KIF13A: variants seen among roughly 807,000 people sequenced by gnomAD.
The protein encoded by KIF13A is kinesin-like protein KIF13A.
KIF13A carries 79 observed loss-of-function variants against 212.2 expected under a neutral mutation model. The ratio of observed to expected loss-of-function variants is 0.37; its 90% CI spans 0.31 to 0.45. KIF13A has a LOEUF of 0.45. KIF13A is among the 20% of genes least tolerant of loss of function. The pLI is 1.00. For missense variants in KIF13A, 1,901 were observed against 2,209.0 expected (o/e 0.86, Z 2.79); for synonymous variants, 789 against 808.6 (o/e 0.98, Z 0.41).
intron 17 of KIF13A, among the ~76,000 whole-genome samples, chr6:17,814,580 T>TCAA (rs10644768): frequency 1.3e-5 from 2 of 151,418 alleles, no homozygotes; most frequent in Non-Finnish European, 2.9e-5. Flanking sequence ...TTAATTATTA[T>TCAA]AACACAGGTG....
chr6:17,916,416 G>A (rs573338516), intron 2 of KIF13A, among the ~76,000 whole-genome samples: 5 of 152,288 alleles, frequency 3.3e-5, no homozygotes, highest in African/African-American at 1.2e-4. Flanking sequence ...AATTCACTAT[G>A]AGGCAAACCT....
chr6:17,791,962 G>A (rs1256621273), intron 25 of KIF13A, among the ~76,000 whole-genome samples: 1 of 149,098 alleles, frequency 6.7e-6, no homozygotes, highest in Non-Finnish European at 1.5e-5. Flanking sequence ...CCAGCACTTT[G>A]GGAGGTCGAG....
In KIF13A at chr6:17,886,881, T is replaced by C. The variant is rs1460742793; in HGVS notation, c.159+11287A>G. Among the ~76,000 whole-genome samples the C allele has an allele frequency of 6.6e-6, 1 of 151,458 alleles. No homozygotes were observed. The highest frequency in any genetic ancestry group is 1.5e-5 in the Non-Finnish European group (1 of 67,958). On this transcript the variant is annotated intron_variant, in intron 3 of 38. Coordinates refer to ENST00000259711, the MANE Select transcript of KIF13A (RefSeq NM_022113.6). The surrounding 1 kb of genome is among the most constrained non-coding windows in gnomAD (Gnocchi z 5.6). ...TCTGAGGATTGTTTTGTTGTCGTTG[T>C]TAAAAAGAGGAAAAAAAAAAAAGTC...
intron 25 of KIF13A, 147 bp from the exon 26 acceptor site, chr6:17,790,057 G>A: frequency 1.6e-6 from 1 of 614,134 alleles, no homozygotes; most frequent in Non-Finnish European, 2.9e-6. Flanking sequence ...TCTCAAAAAA[G>A]GTAAAATGGA....
Position 17,804,419 on chromosome 6 carries a change from C to T in KIF13A, c.2396G>A (p.Cys799Tyr). 1 of 1,562,640 alleles carries T rather than the reference C, an allele frequency of 6.4e-7. No individual in the cohort carries two copies. Among genetic ancestry groups the T allele is most frequent in the East Asian group, 2.4e-5 (1 of 42,038 alleles). Residue 799 changes from cysteine to tyrosine, a missense_variant, in exon 20 of 39, where the codon TGC becomes TAC. By Grantham distance (194) the Cys-to-Tyr change is radical (BLOSUM62 -2). Around this residue, in one of 5 missense-constraint regions of KIF13A, gnomAD observed 534 missense variants for 536.9 expected, o/e 0.99. Transcript: ENST00000259711. ...CTGAAGTTTCACATCACAGAAGAGGCATTCCAAGAATACATTCGCCACCCC... is the reference window on the plus strand; with the variant it reads ...CTGAAGTTTCACATCACAGAAGAGGTATTCCAAGAATACATTCGCCACCCC... The part of the protein sequence containing the change: ...LIGVANVFLE[C>Y]LFCDVKLQYA...
At position 17,912,704 on chromosome 6, in the gene KIF13A, T is replaced by C. The variant is rs1387891465; in HGVS notation, c.147-14524A>G. ...AACTATCTTACAGTAAGTCTATTGA[T>C]GGCTGGAAGAAGGGATCACATGAAA... On this transcript the variant is annotated intron_variant, in intron 2 of 38. Coordinates refer to ENST00000259711, the MANE Select transcript of KIF13A (RefSeq NM_022113.6). The surrounding 1 kb of genome is among the most constrained non-coding windows in gnomAD (Gnocchi z 4.2). Among the ~76,000 whole-genome samples, 1 of 152,190 alleles carries C rather than the reference T, an allele frequency of 6.6e-6. No individual in the cohort carries two copies. Among genetic ancestry groups the C allele is most frequent in the Non-Finnish European group, 1.5e-5 (1 of 68,048 alleles).
chr6:17,905,389 A>G (rs1773404763), intron 2 of KIF13A, among the ~76,000 whole-genome samples: 1 of 152,238 alleles, frequency 6.6e-6, no homozygotes, highest in South Asian at 2.1e-4. Context: ...CAAGAGAGAC[A>G]GATACATACA....
At chr6:17,832,246 CGAG>C (rs1454643049) in intron 12 of KIF13A, among the ~76,000 whole-genome samples, 1 of 151,954 alleles carries the variant, frequency 6.6e-6, no homozygotes, top group Non-Finnish European at 1.5e-5. Flanking sequence ...CACATAACCC[CGAG>C]AATTAGTCCT....
chr6:17,788,481 C>A (rs1293137780), intron 26 of KIF13A, among the ~76,000 whole-genome samples: 1 of 152,146 alleles, frequency 6.6e-6, no homozygotes, highest in Non-Finnish European at 1.5e-5. Flanking sequence ...TTGGACTGCA[C>A]TGTGAAAAAT....
At position 17,829,227 on chromosome 6, in the gene KIF13A, G is replaced by A. The variant is rs931878995; in HGVS notation, c.1402-857C>T. ...CTCCCAAAGTTCTGGGATTACTGGCGTGAGACTGAGAACATTTTAAACTAC... is the reference window on the plus strand; with the variant it reads ...CTCCCAAAGTTCTGGGATTACTGGCATGAGACTGAGAACATTTTAAACTAC... On this transcript the variant is annotated intron_variant, in intron 13 of 38. Transcript: ENST00000259711. The surrounding 1 kb of genome is among the most constrained non-coding windows in gnomAD (Gnocchi z 5.4). 5.9e-5 allele frequency among the ~76,000 whole-genome samples: 9 copies of A among 152,278 alleles called. No individual in the cohort carries two copies. The highest frequency in any genetic ancestry group is 6.8e-3 in the Middle Eastern group (2 of 294).
At chr6:17,766,477 A>G (rs1738497114) in intron 38 of KIF13A, among the ~76,000 whole-genome samples, 1 of 152,056 alleles carries the variant, frequency 6.6e-6, no homozygotes, top group South Asian at 2.1e-4. Flanking sequence ...ACCTCAGGTG[A>G]TCTGCCCGTC....
Position 17,838,299 on chromosome 6 carries a change from C to T in KIF13A, c.831-716G>A, listed in dbSNP as rs1766170622. Among the ~76,000 whole-genome samples the T allele has an allele frequency of 1.3e-5, 2 of 149,584 alleles. No homozygotes were observed. The highest frequency in any genetic ancestry group is 3.0e-5 in the Non-Finnish European group (2 of 67,708). On this transcript the variant is annotated intron_variant, in intron 9 of 38. Transcript: ENST00000259711. This position sits in a 1 kb window ranked among gnomAD's most constrained non-coding sequence, Gnocchi z 4.2. ...TCGCGCCACTGTACTCCAGCCTGGG[C>T]GACAGAGCAAGACTCCATCTCAAAA...
Position 17,934,776 on chromosome 6 carries a change from T to C in KIF13A, c.147-36596A>G, listed in dbSNP as rs1449285092. On this transcript the variant is annotated intron_variant, in intron 2 of 38. Coordinates refer to ENST00000259711, the MANE Select transcript of KIF13A (RefSeq NM_022113.6). The surrounding 1 kb of genome is among the most constrained non-coding windows in gnomAD (Gnocchi z 5.4). ...GACTCCAGCCTGGGCAACCAAGCAA[T>C]ACCCTGTCTCCAAAAAAAAAAAAAA... Among the ~76,000 whole-genome samples the C allele has an allele frequency of 7.4e-6, 1 of 134,668 alleles. No individual in the cohort carries two copies. The highest frequency in any genetic ancestry group is 2.6e-5 in the African/African-American group (1 of 37,826). 88.3% of individuals were successfully genotyped at this position (134,668 alleles called of 152,430 possible).
chr6:17,938,855 G>C (rs1363972942), intron 2 of KIF13A, among the ~76,000 whole-genome samples: 8 of 145,640 alleles, frequency 5.5e-5, no homozygotes, highest in African/African-American at 1.5e-4. Flanking sequence ...CAACGAAAAA[G>C]TTGTGTTGTT....
Position 17,799,910 on chromosome 6 carries a change from A to G in KIF13A, c.2616+42T>C, listed in dbSNP as rs1762342829. On this transcript the variant is annotated intron_variant, in intron 21 of 38. Coordinates refer to ENST00000259711, the MANE Select transcript of KIF13A (RefSeq NM_022113.6). This position sits in a 1 kb window ranked among gnomAD's most constrained non-coding sequence, Gnocchi z 4.4. ...ATTTTTTGTAAAATGGTTTTGCATG[A>G]AAAAGGTCATTTATATGAGCCTCCC... 2.5e-6 allele frequency: 4 copies of G among 1,577,024 alleles called. No homozygotes were observed. The highest frequency in any genetic ancestry group is 3.4e-6 in the Non-Finnish European group (4 of 1,163,912).
intron 2 of KIF13A, among the ~76,000 whole-genome samples, chr6:17,935,256 AT>A (rs1331139916): frequency 7.2e-5 from 11 of 152,296 alleles, no homozygotes; most frequent in African/African-American, 2.6e-4. Context: ...GCAAAGAATA[AT>A]TCCTACTAAG....
rs1561809308 is a variant in KIF13A at position 17,961,785 on chromosome 6, GCA to G, written c.146+25267_146+25268del. On this transcript the variant is annotated intron_variant, in intron 2 of 38. Transcript: ENST00000259711. This position sits in a 1 kb window ranked among gnomAD's most constrained non-coding sequence, Gnocchi z 4.1. Reference sequence around the variant, plus strand: ...CTCCAGCAACGACATAGACTGCAGCGCACACCAGGCGTCTTACCTCTAGTTTC... The same window carrying G: ...CTCCAGCAACGACATAGACTGCAGCGCACCAGGCGTCTTACCTCTAGTTTC... Among the ~76,000 whole-genome samples the G allele has an allele frequency of 6.6e-6, 1 of 152,126 alleles. No homozygotes were observed. The highest frequency in any genetic ancestry group is 1.5e-5 in the Non-Finnish European group (1 of 68,040).
intron 2 of KIF13A, among the ~76,000 whole-genome samples, chr6:17,920,318 T>C (rs985383948): frequency 3.3e-5 from 5 of 152,116 alleles, no homozygotes; most frequent in African/African-American, 1.2e-4. Flanking sequence ...TTACCAAAAA[T>C]GAAAGGTGGG....
chr6:17,948,069 CATTT>C (rs1301813793), intron 2 of KIF13A, among the ~76,000 whole-genome samples: 2 of 152,176 alleles, frequency 1.3e-5, no homozygotes, highest in Non-Finnish European at 1.5e-5. Context: ...CAGGAAACAT[CATTT>C]AATACTGAGA....
Sources: allele counts gnomAD v4.1 joint callset (sites outside exome capture counted in the v4.1 genomes callset), GRCh38; gene constraint gnomAD v4.1.1; regional missense constraint gnomAD v4.1.1; non-coding constraint Gnocchi (gnomAD v3.1); transcripts MANE v1.5; gene names NCBI Gene and HGNC (gene_info 2026-07-23, HGNC 2026-07-21).